The following LAMC3 variants were observed in gnomAD, a reference collection of about 807,000 sequenced individuals.
The protein encoded by LAMC3 is laminin subunit gamma 3, also known as laminin subunit gamma-3.
LAMC3 carries 128 observed loss-of-function variants against 173.8 expected under a neutral mutation model. The ratio of observed to expected loss-of-function variants is 0.74; its 90% CI spans 0.64 to 0.85. The LOEUF is 0.85. Ranked by LOEUF, LAMC3 falls within the 40% of genes least tolerant of loss-of-function variation. The pLI is 0.00. For missense variants in LAMC3, 2,022 were observed against 2,156.0 expected (o/e 0.94, Z 1.23); for synonymous variants, 897 against 909.1 (o/e 0.99, Z 0.24).
chr9:131,068,866 G>A, intron 15 of LAMC3, 42 bp from the exon 16 acceptor site: 1 of 1,612,532 alleles, frequency 6.2e-7, no homozygotes, highest in Non-Finnish European at 8.5e-7. Flanking sequence ...GCCAGGAGTG[G>A]CCCTGAGCTT....
At chr9:131,014,733 G>A (rs1833488994) in intron 1 of LAMC3, among the ~76,000 whole-genome samples, 1 of 152,232 alleles carries the variant, frequency 6.6e-6, no homozygotes, top group Non-Finnish European at 1.5e-5. Flanking sequence ...AGCACTTTGG[G>A]AGGCAGAGAC....
At chr9:131,061,471 C>T (rs891687310) in intron 13 of LAMC3, among the ~76,000 whole-genome samples, 3 of 152,160 alleles carry the variant, frequency 2.0e-5, no homozygotes, top group Admixed American at 6.5e-5. Flanking sequence ...TGAAAATACC[C>T]GTATCTGGTC....
At chr9:131,046,861 A>T (rs1588149873) in intron 8 of LAMC3, among the ~76,000 whole-genome samples, 1 of 146,450 alleles carries the variant, frequency 6.8e-6, no homozygotes, top group Admixed American at 6.9e-5. Context: ...AAACAGAAGA[A>T]CCTCAGGGCC....
chr9:131,076,446 C>T (rs1178475129), intron 21 of LAMC3, among the ~76,000 whole-genome samples: 1 of 152,136 alleles, frequency 6.6e-6, no homozygotes, highest in Non-Finnish European at 1.5e-5. Flanking sequence ...CCTTGACATT[C>T]CTAAACGAGA....
chr9:131,024,664 A>G (rs1218909342), intron 1 of LAMC3, among the ~76,000 whole-genome samples: 3 of 152,166 alleles, frequency 2.0e-5, no homozygotes, highest in Non-Finnish European at 4.4e-5. Flanking sequence ...GTAGAGATGC[A>G]GGAGGGACTC....
At chr9:131,039,340 C>T in intron 6 of LAMC3, 92 bp downstream of exon 6, 1 of 1,038,542 alleles carries the variant, frequency 9.6e-7, no homozygotes, top group Non-Finnish European at 1.5e-6. Flanking sequence ...CCCTCCCCAT[C>T]CCTTCCTGTC....
intron 18 of LAMC3, 67 bp from the exon 19 acceptor site, chr9:131,072,562 CT>C: frequency 7.2e-7 from 1 of 1,398,112 alleles, no homozygotes; most frequent in Non-Finnish European, 9.9e-7. Flanking sequence ...AAGGGGACCC[CT>C]GGGGGTGGGG....
Position 131,012,337 on chromosome 9 carries a change from C to T in LAMC3, c.373+2750C>T, listed in dbSNP as rs568729245. 1.1e-4 allele frequency among the ~76,000 whole-genome samples: 17 copies of T among 152,302 alleles called. No individual in the cohort carries two copies. In the East Asian group the frequency reaches 3.3e-3, roughly 29 times the overall value. ...CAAGCGGAGTCCCCTCTCTCAGCCTCAGTTTCCTTACCTGTACCGTACGGA... is the reference window on the plus strand; with the variant it reads ...CAAGCGGAGTCCCCTCTCTCAGCCTTAGTTTCCTTACCTGTACCGTACGGA... On this transcript the variant is annotated intron_variant, in intron 1 of 27. Transcript: ENST00000361069.
chr9:131,044,544 C>T (rs530316513), intron 7 of LAMC3, among the ~76,000 whole-genome samples: 4 of 152,256 alleles, frequency 2.6e-5, no homozygotes, highest in South Asian at 2.1e-4. Context: ...CCACCGCGTC[C>T]GGCCTATTCA....
chr9:131,026,545 G>A lies in LAMC3; in HGVS notation c.634G>A (p.Gly212Ser), dbSNP rs138002758. 5.0e-6 allele frequency: 8 copies of A among 1,609,342 alleles called. No homozygotes were observed. In the African/African-American group the frequency reaches 1.1e-4, roughly 21 times the overall value. ...CAACGTGGCCTTCTCCACCCTGGAG[G>A]GCCGGCCCAGCGCCTACAACTTCGA... ...GGNVAFSTLE[G>S]RPSAYNFEES... The change falls in exon 2 of 28, where the codon GGC becomes AGC. Residue 212 changes from glycine to serine, a missense_variant. Physicochemically the swap from Gly to Ser is moderately conservative, Grantham distance 56 (BLOSUM62 0). Coordinates refer to ENST00000361069, the MANE Select transcript of LAMC3 (RefSeq NM_006059.4). This position sits in a 1 kb window ranked among gnomAD's most constrained non-coding sequence, Gnocchi z 4.8.
Position 131,072,238 on chromosome 9 carries a change from A to G in LAMC3, c.3212-392A>G, listed in dbSNP as rs1454801466. ...TGCTACACTCCTTTAGCAGCCAGAC[A>G]GAGGCGAGCTGAGAACCTGTTAGCA... is the stretch of plus-strand genomic sequence containing the variant. On this transcript the variant is annotated intron_variant, in intron 18 of 27. Coordinates refer to ENST00000361069, the MANE Select transcript of LAMC3 (RefSeq NM_006059.4). 2.0e-5 allele frequency among the ~76,000 whole-genome samples: 3 copies of G among 152,234 alleles called. 1 individual carries two copies. Among genetic ancestry groups the G allele is most frequent in the Non-Finnish European group, 4.4e-5 (3 of 68,038 alleles).
At chr9:131,014,743 C>T (rs932994628) in intron 1 of LAMC3, among the ~76,000 whole-genome samples, 13 of 152,180 alleles carry the variant, frequency 8.5e-5, no homozygotes, top group African/African-American at 2.7e-4. Context: ...GAGGCAGAGA[C>T]GGGAAGATCA....
chr9:131,055,556 C>G (rs904537018), intron 11 of LAMC3, among the ~76,000 whole-genome samples: 15 of 150,408 alleles, frequency 1.0e-4, no homozygotes, highest in Admixed American at 2.0e-4. Flanking sequence ...TCCCGAGTAG[C>G]TAGGACTACA....
chr9:131,050,777 GAAA>G, intron 9 of LAMC3, among the ~76,000 whole-genome samples: 1 of 148,226 alleles, frequency 6.7e-6, no homozygotes, highest in African/African-American at 2.5e-5. Context: ...CCAAAAAAAG[GAAA>G]AAAAAAAAAA....
At chr9:131,033,281 G>T (rs1008342540) in intron 3 of LAMC3, among the ~76,000 whole-genome samples, 9 of 152,232 alleles carry the variant, frequency 5.9e-5, no homozygotes, top group Admixed American at 3.9e-4. Flanking sequence ...TTTGAAAGGA[G>T]AGAGGAAAAC....
chr9:131,071,617 T>C lies in LAMC3; in HGVS notation c.3203T>C (p.Leu1068Pro), dbSNP rs758394126. The C allele has an allele frequency of 5.7e-6, 9 of 1,586,016 alleles. No individual in the cohort carries two copies. Among genetic ancestry groups the C allele is most frequent in the South Asian group, 2.3e-5 (2 of 87,300 alleles). ...GGGGACGTCTACCAGGGCCATCACC[T>C]GCTTCCAGGTACAGCAGGAGCGCAG... ...PRGDVYQGHH[L>P]LPGAREAFLE... The change falls in exon 18 of 28, where the codon CTG (leucine) becomes CCG (proline). Residue 1068 changes from leucine to proline, a missense_variant. Transcript: ENST00000361069.
chr9:131,048,132 C>A (rs1349725167), intron 8 of LAMC3, among the ~76,000 whole-genome samples: 1 of 146,010 alleles, frequency 6.8e-6, no homozygotes, highest in African/African-American at 2.5e-5. Context: ...TCTCAGCTCG[C>A]TGCAACCTCC....
chr9:131,044,360 A>C (rs2133265497), intron 7 of LAMC3, among the ~76,000 whole-genome samples: 1 of 152,006 alleles, frequency 6.6e-6, no homozygotes, highest in South Asian at 2.1e-4. Flanking sequence ...AAATACAAAA[A>C]TTAGCCGGGC....
intron 21 of LAMC3, among the ~76,000 whole-genome samples, chr9:131,076,278 G>A (rs542521706): frequency 2.2e-4 from 33 of 152,222 alleles, no homozygotes; most frequent in Non-Finnish European, 3.5e-4. Flanking sequence ...CCCTGGCCCC[G>A]GCGCCCCAGC....
Sources: allele counts gnomAD v4.1 joint callset (sites outside exome capture counted in the v4.1 genomes callset), GRCh38; gene constraint gnomAD v4.1.1; non-coding constraint Gnocchi (gnomAD v3.1); transcripts MANE v1.5; gene names NCBI Gene and HGNC (gene_info 2026-07-23, HGNC 2026-07-21).